Variants in CENPH observed in about 807,000 individuals in gnomAD.
CENPH encodes the protein centromere protein H, also known as CENP-H.
CENPH carries 40 observed loss-of-function variants against 42.9 expected under a neutral mutation model. That is an observed-to-expected ratio of 0.93 (90% CI 0.72 to 1.21). CENPH has a LOEUF of 1.21. Ranked by LOEUF, CENPH falls within the 50% of genes most tolerant of loss-of-function variation. CENPH has a pLI of 0.00. For synonymous variants in CENPH, 88 were observed against 96.5 expected (o/e 0.91, Z 0.52); for missense variants, 302 against 292.9 (o/e 1.03, Z -0.23).
intron 7 of CENPH, among the ~76,000 whole-genome samples, chr5:69,206,350 T>A (rs1748159432): frequency 6.7e-6 from 1 of 149,938 alleles, no homozygotes; most frequent in South Asian, 2.1e-4. Flanking sequence ...CCCAGCTAAT[T>A]TTGTCTTTTT....
At chr5:69,200,212 A>G (rs955228389) in intron 5 of CENPH, among the ~76,000 whole-genome samples, 10 of 151,958 alleles carry the variant, frequency 6.6e-5, no homozygotes, top group African/African-American at 2.4e-4. Context: ...ATTAATTGGG[A>G]TGCAACTGGA....
chr5:69,192,978 C>T (rs996550176), intron 2 of CENPH, among the ~76,000 whole-genome samples: 4 of 95,866 alleles, frequency 4.2e-5, no homozygotes, highest in African/African-American at 2.0e-4. Flanking sequence ...TGCCTATAAG[C>T]TCAGCTACTC....
At chr5:69,205,493 CTGGGATTA>C (rs2112094428) in intron 7 of CENPH, among the ~76,000 whole-genome samples, 1 of 152,228 alleles carries the variant, frequency 6.6e-6, no homozygotes, top group Admixed American at 6.5e-5. Context: ...TCCCAAAGTG[CTGGGATTA>C]TAGGCGTAAG....
chr5:69,208,054 T>TA (rs1175984410), intron 7 of CENPH, 142 bp from the exon 8 acceptor site: 1 of 468,050 alleles, frequency 2.1e-6, no homozygotes, highest in African/African-American at 2.0e-5. Flanking sequence ...CAGATCGTAA[T>TA]AAAGTTGCAA....
chr5:69,204,593 A>ATTTTTTT (rs1580229277), intron 7 of CENPH, among the ~76,000 whole-genome samples: 1 of 66,002 alleles, frequency 1.5e-5, no homozygotes, highest in Non-Finnish European at 3.0e-5. Flanking sequence ...CCTGGCTTGT[A>ATTTTTTT]TTTCTTTTTT....
At position 69,202,544 on chromosome 5, in the gene CENPH, ATAAAT is replaced by A; in HGVS notation, c.414_418del (p.Lys138AsnfsTer17). 6.4e-7 allele frequency: 1 copy of A among 1,567,674 alleles called. No homozygotes were observed. Reference sequence around the variant, plus strand: ...AACATGAAACACCTATTAGAGCTAAATAAATTAATAATGAAATCACAGCAGGTAAA... The same window carrying A: ...AACATGAAACACCTATTAGAGCTAAATAATAATGAAATCACAGCAGGTAAA... On this transcript the variant is annotated frameshift_variant, in exon 6 of 9. Transcript: ENST00000283006. LOFTEE classifies it high-confidence loss of function.
intron 7 of CENPH, among the ~76,000 whole-genome samples, chr5:69,207,304 T>C (rs529371730): frequency 2.7e-4 from 41 of 152,002 alleles, no homozygotes; most frequent in Non-Finnish European, 4.3e-4. Flanking sequence ...TTCTCCTGCC[T>C]CAGCCTCCTG....
chr5:69,190,464 G>A (rs974672372), intron 1 of CENPH, among the ~76,000 whole-genome samples: 3 of 152,146 alleles, frequency 2.0e-5, no homozygotes, highest in African/African-American at 7.2e-5. Flanking sequence ...CCACAAGGGT[G>A]GAATTGAGTA....
chr5:69,200,002 A>G (rs1206284395), intron 5 of CENPH, among the ~76,000 whole-genome samples: 1 of 151,448 alleles, frequency 6.6e-6, no homozygotes, highest in East Asian at 1.9e-4. Flanking sequence ...AATCCCAGCT[A>G]CTCGGGAGGC....
intron 7 of CENPH, among the ~76,000 whole-genome samples, chr5:69,204,904 AT>A (rs1474504657): frequency 8.3e-6 from 1 of 121,150 alleles, no homozygotes; most frequent in Non-Finnish European, 1.7e-5. Flanking sequence ...GCACCCAGCC[AT>A]TTTTTTTCTT....
chr5:69,200,637 C>T (rs1748041826), intron 5 of CENPH, among the ~76,000 whole-genome samples: 1 of 148,696 alleles, frequency 6.7e-6, no homozygotes, highest in Admixed American at 6.8e-5. Context: ...CAGTGTTTTT[C>T]ACACCTGGCT....
Position 69,198,671 on chromosome 5 carries a change from G to A in CENPH, c.371+1562G>A, listed in dbSNP as rs138784102. 4.5e-4 allele frequency among the ~76,000 whole-genome samples: 68 copies of A among 152,272 alleles called. No individual in the cohort carries two copies. In the East Asian group the frequency reaches 0.011, roughly 26 times the overall value. On this transcript the variant is annotated intron_variant, in intron 5 of 8. Coordinates refer to ENST00000283006, the MANE Select transcript of CENPH (RefSeq NM_022909.4). Reference sequence around the variant, plus strand: ...GTTTAGCTTGGGTACAGAGGCTCATGCCTGTAATCCCAGCACTTTGGGAGC... The same window carrying A: ...GTTTAGCTTGGGTACAGAGGCTCATACCTGTAATCCCAGCACTTTGGGAGC...
In CENPH at chr5:69,208,304, G is replaced by A. The variant is rs150256446; in HGVS notation, c.596G>A (p.Arg199Gln). 25 of 1,601,300 alleles carry A rather than the reference G, an allele frequency of 1.6e-5. No homozygotes were observed. Among genetic ancestry groups the A allele is most frequent in the African/African-American group, 4.0e-5 (3 of 74,618 alleles). ...AACTCAGAGAGGATAAAGATCATAC[G>A]ACAAAACCTACAGATGGAGATAAAA... ...MENSERIKII[R>Q]QNLQMEIKIT... The change falls in exon 8 of 9, where the codon CGA becomes CAA. Residue 199 changes from arginine to glutamine, a missense_variant. Transcript: ENST00000283006.
rs1425531577 is a variant in CENPH, at chr5:69,189,617, C to T, written c.-18C>T. The T allele has an allele frequency of 1.5e-5, 24 of 1,588,512 alleles. No individual in the cohort carries two copies. Among genetic ancestry groups the T allele is most frequent in the East Asian group, 2.3e-5 (1 of 43,962 alleles). ...GCGCGTTTGCCTGTTGAGTGGTAGC[C>T]TTTCCCCTCAACCAGCAATGGAGGA... On this transcript the variant is annotated 5_prime_UTR_variant, in exon 1 of 9. Transcript: ENST00000283006.
intron 7 of CENPH, among the ~76,000 whole-genome samples, chr5:69,204,042 ATT>A (rs1185975553): frequency 2.8e-5 from 2 of 70,302 alleles, no homozygotes; most frequent in Non-Finnish European, 5.6e-5. Context: ...AATTATATAT[ATT>A]TATATATTAT....
chr5:69,203,620 C>T (rs1580228679), intron 7 of CENPH, among the ~76,000 whole-genome samples: 3 of 151,960 alleles, frequency 2.0e-5, no homozygotes, highest in South Asian at 4.2e-4. Context: ...CCACCTGCCT[C>T]GGCCTCTCAA....
At chr5:69,200,696 CCAAACTTTCTGAAT>C (rs1050679411) in intron 5 of CENPH, among the ~76,000 whole-genome samples, 1 of 136,364 alleles carries the variant, frequency 7.3e-6, no homozygotes, top group Non-Finnish European at 1.6e-5. Context: ...TGGTCCTATC[CCAAACTTTCTGAAT>C]CAGCGTATCT....
chr5:69,198,045 C>T (rs1448113272), intron 5 of CENPH, among the ~76,000 whole-genome samples: 7 of 150,660 alleles, frequency 4.6e-5, no homozygotes, highest in South Asian at 2.1e-4. Context: ...CTCAGCCTCC[C>T]GAGCAGCTGG....
At chr5:69,207,224 T>C (rs2112096627) in intron 7 of CENPH, among the ~76,000 whole-genome samples, 1 of 152,138 alleles carries the variant, frequency 6.6e-6, no homozygotes, top group Non-Finnish European at 1.5e-5. Flanking sequence ...AGTTTCACTC[T>C]TGTTGCCCAG....
Sources: gnomAD v4.1 joint callset for allele counts (sites outside exome capture counted in the v4.1 genomes callset) on GRCh38, gnomAD v4.1.1 for gene constraint, MANE v1.5 for transcripts, NCBI Gene and HGNC (gene_info 2026-07-23, HGNC 2026-07-21) for gene names.